AJAP1: variants seen among roughly 807,000 people sequenced by gnomAD.
AJAP1 encodes adherens junction-associated protein 1.
A neutral mutation model predicts 35.0 loss-of-function variants in AJAP1; 5 were observed. That is an observed-to-expected ratio of 0.14 (90% CI 0.07 to 0.30). AJAP1 has a LOEUF of 0.30. AJAP1 is among the 10% of genes least tolerant of loss of function. AJAP1 has a pLI of 1.00. For synonymous variants in AJAP1, 284 were observed against 249.3 expected (o/e 1.14, Z -1.31); for missense variants, 586 against 571.0 (o/e 1.03, Z -0.27).
intron 1 of AJAP1, among the ~76,000 whole-genome samples, chr1:4,674,604 G>A (rs1480335942): frequency 6.6e-6 from 1 of 152,244 alleles, no homozygotes; most frequent in Admixed American, 6.5e-5. Context: ...CAGCAGCTGG[G>A]TAGGCACCAG....
intron 1 of AJAP1, among the ~76,000 whole-genome samples, chr1:4,691,776 C>A (rs986765888): frequency 3.3e-5 from 5 of 152,090 alleles, no homozygotes; most frequent in Admixed American, 3.3e-4. Flanking sequence ...TCTTTGAGGT[C>A]GGTGGTGAAA....
chr1:4,780,021 A>G (rs778287032), intron 5 of AJAP1, among the ~76,000 whole-genome samples: 1 of 150,722 alleles, frequency 6.6e-6, no homozygotes, highest in Non-Finnish European at 1.5e-5. Context: ...GTGTGCGCCT[A>G]TAATCCCAGC....
intron 1 of AJAP1, among the ~76,000 whole-genome samples, chr1:4,698,394 A>G (rs955709075): frequency 3.3e-5 from 5 of 152,208 alleles, no homozygotes; most frequent in African/African-American, 1.2e-4. Flanking sequence ...TTACATTCAG[A>G]TATAAAGGAC....
At chr1:4,763,051 C>G (rs760815) in intron 2 of AJAP1, among the ~76,000 whole-genome samples, 1 of 152,024 alleles carries the variant, frequency 6.6e-6, no homozygotes, top group African/African-American at 2.4e-5. Context: ...ACCTCACCCT[C>G]TGAGGCACAC....
chr1:4,717,647 G>A (rs1429946639), intron 2 of AJAP1, among the ~76,000 whole-genome samples: 1 of 152,064 alleles, frequency 6.6e-6, no homozygotes, highest in Non-Finnish European at 1.5e-5. Context: ...TGTCCTTTAG[G>A]TATGTCCCTC....
rs180896957 is a variant in AJAP1, at chr1:4,703,911, G to C, written c.30-7989G>C. On this transcript the variant is annotated intron_variant, in intron 1 of 5. Coordinates refer to ENST00000378191, the MANE Select transcript of AJAP1 (RefSeq NM_018836.4). ...TGCCTCCCCGAGCTCCCTGGGCTAG[G>C]AATGCCTGGCAGTGCAGGCTGTCTG... Among the ~76,000 whole-genome samples, 54 of 152,334 alleles carry C rather than the reference G, an allele frequency of 3.5e-4. 1 individual carries two copies. The East Asian group carries it at 9.1e-3, about 26-fold the overall frequency.
At position 4,772,271 on chromosome 1, in the gene AJAP1, C is replaced by G; in HGVS notation, c.918-9C>G. ...CCCGTCCCCCTACCCCAAACTCTTTCTCTTCCAGCTGTGCCCAAAGCGGGA... is the reference window on the plus strand; with the variant it reads ...CCCGTCCCCCTACCCCAAACTCTTTGTCTTCCAGCTGTGCCCAAAGCGGGA... On this transcript the variant is annotated splice_polypyrimidine_tract_variant and intron_variant, in intron 3 of 5. Coordinates refer to ENST00000378191, the MANE Select transcript of AJAP1 (RefSeq NM_018836.4). 1.2e-6 allele frequency: 2 copies of G among 1,613,866 alleles called. No homozygotes were observed. The highest frequency in any genetic ancestry group is 8.5e-7 in the Non-Finnish European group (1 of 1,179,814).
intron 1 of AJAP1, among the ~76,000 whole-genome samples, chr1:4,691,456 G>A (rs571694258): frequency 2.2e-4 from 34 of 152,358 alleles, no homozygotes; most frequent in Admixed American, 7.8e-4. Flanking sequence ...TATCTCTGCC[G>A]CCTGCTGGCC....
At position 4,654,618 on chromosome 1, in the gene AJAP1, G is replaced by A. The variant is rs1403262011; in HGVS notation, c.-808G>A. 6.6e-6 allele frequency: 1 copy of A among 151,294 alleles called. No homozygotes were observed. Among genetic ancestry groups the A allele is most frequent in the Admixed American group, 6.6e-5 (1 of 15,094 alleles). 9.4% of individuals were successfully genotyped at this position (151,294 alleles called of 1,614,324 possible). A position where few individuals can be genotyped will look rare whatever the true frequency, so the allele number is the denominator to read the frequency against. The stretch of plus-strand genomic sequence containing the variant: ...GAGCGCGCGGAGAGGCAGACGCGAG[G>A]AGGGAGGCGGCTGAGCAGCGCGGGC... On this transcript the variant is annotated 5_prime_UTR_variant, in exon 1 of 6. Coordinates refer to ENST00000378191, the MANE Select transcript of AJAP1 (RefSeq NM_018836.4). This position sits in a 1 kb window ranked among gnomAD's most constrained non-coding sequence, Gnocchi z 5.1.
chr1:4,677,717 T>C (rs547517047), intron 1 of AJAP1, among the ~76,000 whole-genome samples: 32 of 149,082 alleles, frequency 2.1e-4, no homozygotes, highest in African/African-American at 6.2e-4. Context: ...TTCCAGGTAA[T>C]GCTCCGAATG....
At chr1:4,705,395 C>CTTTTTTTTTTT (rs58022692) in intron 1 of AJAP1, among the ~76,000 whole-genome samples, 1 of 23,802 alleles carries the variant, frequency 4.2e-5, no homozygotes, top group Non-Finnish European at 7.5e-5. Context: ...TTTTGAAGAG[C>CTTTTTTTTTTT]TTTTTTTTTT....
chr1:4,737,584 C>T (rs1640959653), intron 2 of AJAP1, among the ~76,000 whole-genome samples: 1 of 151,742 alleles, frequency 6.6e-6, no homozygotes, highest in Admixed American at 6.6e-5. Flanking sequence ...CTCCTGAGGC[C>T]CTTGTTGTGG....
intron 2 of AJAP1, among the ~76,000 whole-genome samples, chr1:4,748,276 C>T (rs1641238586): frequency 6.6e-6 from 1 of 152,198 alleles, no homozygotes; most frequent in African/African-American, 2.4e-5. Flanking sequence ...TGGGGTGCAT[C>T]ACGTGCGTGA....
rs569037196 is a variant in AJAP1, at chr1:4,712,465, G to A, written c.595G>A (p.Gly199Ser). 3.7e-6 allele frequency: 6 copies of A among 1,611,204 alleles called. No individual in the cohort carries two copies. The highest frequency in any genetic ancestry group is 2.2e-5 in the East Asian group (1 of 44,748). The change falls in exon 2 of 6, where the codon GGC (glycine) becomes AGC (serine). Residue 199 changes from glycine to serine, a missense_variant. Gly to Ser is a moderately conservative substitution (Grantham distance 56). Transcript: ENST00000378191. ...GGCCCTGGAGTCCAACACATTTCCG[G>A]GCGTTTACGGCCCCACCACGGTCTC... The part of the protein sequence containing the change: ...EEALESNTFP[G>S]VYGPTTVSIL...
chr1:4,775,078 A>T (rs1420241721), intron 5 of AJAP1, among the ~76,000 whole-genome samples: 2 of 152,202 alleles, frequency 1.3e-5, no homozygotes, highest in Non-Finnish European at 2.9e-5. Flanking sequence ...AAAGAAAGGG[A>T]AGAGTTGAGA....
chr1:4,676,154 A>G (rs1255825668), intron 1 of AJAP1, among the ~76,000 whole-genome samples: 1 of 152,204 alleles, frequency 6.6e-6, no homozygotes, highest in Non-Finnish European at 1.5e-5. Context: ...CCACTGCTGC[A>G]GAGGCCAGTG....
At chr1:4,742,073 G>T (rs1418685633) in intron 2 of AJAP1, among the ~76,000 whole-genome samples, 2 of 147,184 alleles carry the variant, frequency 1.4e-5, no homozygotes, top group Non-Finnish European at 3.0e-5. Flanking sequence ...ATTAATTCAG[G>T]CAAGAGACAT....
At chr1:4,758,543 G>A (rs117179206) in intron 2 of AJAP1, among the ~76,000 whole-genome samples, 2,537 of 152,092 alleles carry the variant, frequency 0.017, 65 homozygotes, top group South Asian at 0.12. Flanking sequence ...AAACCATCAG[G>A]TCTCGTGAGA....
intron 2 of AJAP1, among the ~76,000 whole-genome samples, chr1:4,764,427 A>C (rs539859514): frequency 1.3e-5 from 2 of 152,320 alleles, no homozygotes; most frequent in African/African-American, 4.8e-5. Flanking sequence ...CAGCAAGCCA[A>C]GCTGCCTCTG....
Sources: allele counts gnomAD v4.1 joint callset (sites outside exome capture counted in the v4.1 genomes callset), GRCh38; gene constraint gnomAD v4.1.1; non-coding constraint Gnocchi (gnomAD v3.1); transcripts MANE v1.5; gene names NCBI Gene and HGNC (gene_info 2026-07-23, HGNC 2026-07-21).